The following PCBP3 variants were observed in gnomAD, a reference collection of about 807,000 sequenced individuals.
PCBP3 encodes the protein poly(rC) binding protein 3, also known as poly(rC)-binding protein 3.
Under a neutral mutation model 52.7 loss-of-function variants are expected in PCBP3, and 25 were observed. That is an observed-to-expected ratio of 0.47 (90% CI 0.35 to 0.66). The LOEUF is 0.66. Ranked by LOEUF, PCBP3 falls within the 30% of genes least tolerant of loss-of-function variation. The probability of loss-of-function intolerance (pLI) is 0.01; values close to 1 mark genes in which losing one functional copy is unlikely to be tolerated. For synonymous variants in PCBP3, 162 were observed against 183.0 expected (o/e 0.89, Z 0.93); for missense variants, 391 against 490.3 (o/e 0.80, Z 1.91).
At chr21:45,854,681 A>G (rs1310251299) in intron 5 of PCBP3, among the ~76,000 whole-genome samples, 16 of 152,308 alleles carry the variant, frequency 1.1e-4, no homozygotes, top group Admixed American at 1.0e-3. Context: ...GGCTGTTAGG[A>G]GCGGTGCCCT....
chr21:45,930,896 G>GC, intron 15 of PCBP3, 51 bp downstream of exon 15: 1 of 1,607,912 alleles, frequency 6.2e-7, no homozygotes, highest in East Asian at 2.2e-5. Context: ...GCAGAGCAGA[G>GC]CCCCAGTGGG....
chr21:45,894,477 CAG>C (rs2095769348), intron 5 of PCBP3, among the ~76,000 whole-genome samples: 1 of 152,174 alleles, frequency 6.6e-6, no homozygotes, highest in African/African-American at 2.4e-5. Flanking sequence ...AGGCTTATCT[CAG>C]GGTGCCCATG....
chr21:45,718,387 T>C (rs1163460130), intron 2 of PCBP3, among the ~76,000 whole-genome samples: 1 of 151,978 alleles, frequency 6.6e-6, no homozygotes, highest in Non-Finnish European at 1.5e-5. Context: ...TTTAGTTTTC[T>C]CTTGTTTTAC....
intron 2 of PCBP3, among the ~76,000 whole-genome samples, chr21:45,726,885 T>A (rs2085088665): frequency 6.6e-6 from 1 of 152,376 alleles, no homozygotes; most frequent in African/African-American, 2.4e-5. Context: ...TATTTTCTTA[T>A]TGAGCTTTGA....
chr21:45,880,711 G>A lies in PCBP3; in HGVS notation c.11-15497G>A, dbSNP rs1485776670. Among the ~76,000 whole-genome samples the A allele has an allele frequency of 6.6e-6, 1 of 152,184 alleles. No individual in the cohort carries two copies. The highest frequency in any genetic ancestry group is 6.5e-5 in the Admixed American group (1 of 15,286). ...CCCCAGGTGACTGCAGCAGGGCCAGGAGAGACGGGGTTGTAGGTACAGCCT... is the reference window on the plus strand; with the variant it reads ...CCCCAGGTGACTGCAGCAGGGCCAGAAGAGACGGGGTTGTAGGTACAGCCT... On this transcript the variant is annotated intron_variant, in intron 5 of 17. Coordinates refer to ENST00000681687, the MANE Select transcript of PCBP3 (RefSeq NM_001384156.1). This position sits in a 1 kb window ranked among gnomAD's most constrained non-coding sequence, Gnocchi z 5.4.
chr21:45,793,533 C>T (rs1388605656), intron 4 of PCBP3, among the ~76,000 whole-genome samples: 1 of 152,036 alleles, frequency 6.6e-6, no homozygotes, highest in Non-Finnish European at 1.5e-5. Flanking sequence ...ATGGAGACAT[C>T]CTAGAAGATC....
intron 4 of PCBP3, among the ~76,000 whole-genome samples, chr21:45,808,258 G>A (rs56036552): frequency 0.19 from 28,768 of 151,962 alleles, 2,897 homozygotes; most frequent in Middle Eastern, 0.33. Context: ...TGATCAGGCA[G>A]CCTACATAAT....
intron 4 of PCBP3, among the ~76,000 whole-genome samples, chr21:45,768,494 G>A (rs2145732077): frequency 6.6e-6 from 1 of 152,330 alleles, no homozygotes; most frequent in South Asian, 2.1e-4. Flanking sequence ...TGCATTTGAG[G>A]GGAGATGTAT....
chr21:45,902,958 A>T (rs182390161), intron 9 of PCBP3, among the ~76,000 whole-genome samples: 2 of 152,228 alleles, frequency 1.3e-5, no homozygotes, highest in Admixed American at 1.3e-4. Flanking sequence ...ACACTCAGTC[A>T]TCCCTTCCAC....
intron 5 of PCBP3, among the ~76,000 whole-genome samples, chr21:45,856,592 C>T (rs1419104805): frequency 1.3e-5 from 2 of 152,116 alleles, no homozygotes; most frequent in African/African-American, 2.4e-5. Flanking sequence ...GTGGCACGCC[C>T]CCCCCACCCC....
intron 2 of PCBP3, among the ~76,000 whole-genome samples, chr21:45,711,117 T>C (rs1158700534): frequency 1.3e-5 from 2 of 152,256 alleles, no homozygotes; most frequent in African/African-American, 4.8e-5. Context: ...CAAGGAGTCC[T>C]GGTTCCTTTT....
At chr21:45,918,685 TGGG>T (rs879304590) in intron 13 of PCBP3, 46 of 150,374 alleles carry the variant, frequency 3.1e-4, no homozygotes, top group South Asian at 6.4e-4. Context: ...ATTCCAGTGC[TGGG>T]GGAAGAAGTT....
At chr21:45,922,714 C>T (rs1251979154) in intron 13 of PCBP3, among the ~76,000 whole-genome samples, 3 of 152,184 alleles carry the variant, frequency 2.0e-5, no homozygotes, top group Non-Finnish European at 2.9e-5. Flanking sequence ...GCCATGTAGG[C>T]GATTTTAGAT....
At chr21:45,882,473 C>G (rs556626386) in intron 5 of PCBP3, among the ~76,000 whole-genome samples, 1 of 151,812 alleles carries the variant, frequency 6.6e-6, no homozygotes, top group South Asian at 2.1e-4. Flanking sequence ...TTTCCAGTTC[C>G]CTAGGTTGTC....
intron 2 of PCBP3, among the ~76,000 whole-genome samples, chr21:45,672,498 A>G (rs967851326): frequency 1.3e-5 from 2 of 152,136 alleles, no homozygotes; most frequent in East Asian, 1.9e-4. Flanking sequence ...TTCTTTGGCA[A>G]TGCAGTTTCT....
chr21:45,922,521 C>T (rs1394108439), intron 13 of PCBP3, among the ~76,000 whole-genome samples: 6 of 152,192 alleles, frequency 3.9e-5, no homozygotes, highest in Non-Finnish European at 7.3e-5. Flanking sequence ...CACCACTGCA[C>T]TCCAGCCTGG....
intron 1 of PCBP3, among the ~76,000 whole-genome samples, chr21:45,660,295 TC>T (rs1291571884): frequency 6.6e-6 from 1 of 152,176 alleles, no homozygotes; most frequent in East Asian, 1.9e-4. Context: ...ATTCAAGCTC[TC>T]CTTTGGTTAC....
At chr21:45,856,534 C>G (rs999474273) in intron 5 of PCBP3, among the ~76,000 whole-genome samples, 2 of 152,150 alleles carry the variant, frequency 1.3e-5, no homozygotes, top group Non-Finnish European at 2.9e-5. Flanking sequence ...TGGTGATGAC[C>G]GAGCTCTTGT....
chr21:45,745,426 G>A (rs920375191), intron 3 of PCBP3, among the ~76,000 whole-genome samples: 2 of 152,126 alleles, frequency 1.3e-5, no homozygotes, highest in African/African-American at 4.8e-5. Context: ...GGCCCTCCCC[G>A]GCCTGGACTC....
Sources: allele counts gnomAD v4.1 joint callset (sites outside exome capture counted in the v4.1 genomes callset), GRCh38; gene constraint gnomAD v4.1.1; non-coding constraint Gnocchi (gnomAD v3.1); transcripts MANE v1.5; gene names NCBI Gene and HGNC (gene_info 2026-07-23, HGNC 2026-07-21).